The following CSMD1 variants were observed in gnomAD, a reference collection of about 807,000 sequenced individuals.
CSMD1 encodes the protein CUB and sushi domain-containing protein 1.
In CSMD1, 213 loss-of-function variants were observed where a neutral mutation model predicts 417.5. The ratio of observed to expected loss-of-function variants is 0.51; its 90% CI spans 0.46 to 0.57. The LOEUF (loss-of-function observed/expected upper bound fraction) is 0.57, where lower values mean the gene tolerates loss of function less well. Among genes scored for constraint, CSMD1 ranks in the 20% least tolerant of loss-of-function variants. The pLI, the probability that CSMD1 is intolerant of heterozygous loss-of-function variation, is 0.00. For synonymous variants in CSMD1, 2,862 were observed against 1,736.8 expected (o/e 1.65, Z -16.11); for missense variants, 6,923 against 4,529.7 (o/e 1.53, Z -15.17).
intron 18 of CSMD1, among the ~76,000 whole-genome samples, chr8:3,385,904 T>C (rs1166838186): frequency 6.6e-6 from 1 of 151,748 alleles, no homozygotes; most frequent in African/African-American, 2.4e-5. Flanking sequence ...GATTCACATA[T>C]GAGAGGAAAA....
chr8:2,967,041 G>A (rs1179117048), intron 57 of CSMD1, among the ~76,000 whole-genome samples: 1 of 152,186 alleles, frequency 6.6e-6, no homozygotes, highest in Non-Finnish European at 1.5e-5. Context: ...GTTATTCAGG[G>A]ACTGAATGTT....
chr8:3,303,331 T>A (rs1166012404), intron 25 of CSMD1, among the ~76,000 whole-genome samples: 1 of 152,154 alleles, frequency 6.6e-6, no homozygotes, highest in Non-Finnish European at 1.5e-5. Flanking sequence ...AGATCTCCAG[T>A]GCAATTTCAC....
intron 1 of CSMD1, among the ~76,000 whole-genome samples, chr8:4,802,061 G>A (rs1798317615): frequency 6.6e-6 from 1 of 152,178 alleles, no homozygotes; most frequent in African/African-American, 2.4e-5. Context: ...TAGCTATATA[G>A]CCTAGTTGAA....
intron 41 of CSMD1, among the ~76,000 whole-genome samples, chr8:3,123,685 A>G (rs990753328): frequency 6.6e-6 from 1 of 152,236 alleles, no homozygotes; most frequent in African/African-American, 2.4e-5. Flanking sequence ...ATAGAACCTC[A>G]TCTTCATTAG....
intron 25 of CSMD1, among the ~76,000 whole-genome samples, chr8:3,287,385 C>T (rs1441784729): frequency 6.6e-6 from 1 of 152,036 alleles, no homozygotes; most frequent in Non-Finnish European, 1.5e-5. Flanking sequence ...CTATAAATTA[C>T]CTTGGGCAGT....
At chr8:4,250,426 T>A (rs956185316) in intron 3 of CSMD1, among the ~76,000 whole-genome samples, 2 of 152,080 alleles carry the variant, frequency 1.3e-5, no homozygotes, top group African/African-American at 4.8e-5. Context: ...TAGCCACTGC[T>A]CCCTGGGGAA....
intron 48 of CSMD1, among the ~76,000 whole-genome samples, chr8:3,090,922 G>C (rs1266054966): frequency 6.6e-6 from 1 of 152,064 alleles, no homozygotes; most frequent in Non-Finnish European, 1.5e-5. Flanking sequence ...TGATCAATTT[G>C]TTACTAATTG....
chr8:4,368,927 T>G lies in CSMD1; in HGVS notation c.415+51026A>C, dbSNP rs919495923. Among the ~76,000 whole-genome samples the G allele has an allele frequency of 6.6e-5, 10 of 152,242 alleles. No homozygotes were observed. In the South Asian group the frequency reaches 1.7e-3, roughly 25 times the overall value. Reference sequence around the variant, plus strand: ...AACTTTTGGTTTTATTGATCTCTTATATGGATTTTAGCAGTTCAATTTCAT... The same window carrying G: ...AACTTTTGGTTTTATTGATCTCTTAGATGGATTTTAGCAGTTCAATTTCAT... On this transcript the variant is annotated intron_variant, in intron 3 of 69. Coordinates refer to ENST00000635120, the MANE Select transcript of CSMD1 (RefSeq NM_033225.6).
intron 3 of CSMD1, among the ~76,000 whole-genome samples, chr8:4,414,509 G>A (rs1390164615): frequency 6.6e-6 from 1 of 152,092 alleles, no homozygotes; most frequent in African/African-American, 2.4e-5. Flanking sequence ...ATATTTTTAA[G>A]AGGATCTGCT....
chr8:3,796,432 ATATATCTATC>A (rs1800148665), intron 5 of CSMD1, among the ~76,000 whole-genome samples: 1 of 116,692 alleles, frequency 8.6e-6, no homozygotes, highest in African/African-American at 2.9e-5. Context: ...GTATAGATAT[ATATATCTATC>A]GTGTATAGAT....
chr8:3,658,973 C>T (rs569520681), intron 7 of CSMD1, among the ~76,000 whole-genome samples: 43 of 152,204 alleles, frequency 2.8e-4, no homozygotes, highest in African/African-American at 9.6e-4. Flanking sequence ...TAGGAATGAC[C>T]TAATATTTGT....
intron 2 of CSMD1, among the ~76,000 whole-genome samples, chr8:4,555,755 C>G (rs916067095): frequency 1.2e-4 from 19 of 152,122 alleles, no homozygotes; most frequent in Non-Finnish European, 1.8e-4. Context: ...AGTTCCATTT[C>G]AGTTAACAAA....
chr8:4,230,977 C>T (rs1426622705), intron 3 of CSMD1, among the ~76,000 whole-genome samples: 1 of 152,046 alleles, frequency 6.6e-6, no homozygotes, highest in African/African-American at 2.4e-5. Context: ...TCATTTGCAA[C>T]ATCAGTACTA....
rs769717012 is a variant in CSMD1 at position 3,387,560 on chromosome 8, T to C, written c.2716A>G (p.Ser906Gly). Residue 906 changes from serine (S) to glycine (G), a missense_variant, in exon 18 of 70, where the codon AGT (serine) becomes GGT (glycine). Coordinates refer to ENST00000635120, the MANE Select transcript of CSMD1 (RefSeq NM_033225.6). ...TFSCDPGYTLSDDEPLVCERN... is the reference protein window; with the variant it reads ...TFSCDPGYTLGDDEPLVCERN... ...TCACAGACGAGGGGCTCGTCGTCACTTAGTGTGTACCCCGGGTCACAGCTG... is the reference window on the plus strand; with the variant it reads ...TCACAGACGAGGGGCTCGTCGTCACCTAGTGTGTACCCCGGGTCACAGCTG... The C allele has an allele frequency of 2.5e-6, 4 of 1,602,526 alleles. No homozygotes were observed. The South Asian group carries it at 4.5e-5, about 18-fold the overall frequency.
At chr8:4,636,610 T>A (rs1020460191) in intron 2 of CSMD1, among the ~76,000 whole-genome samples, 17 of 152,260 alleles carry the variant, frequency 1.1e-4, no homozygotes, top group African/African-American at 4.1e-4. Flanking sequence ...AACAATGGTG[T>A]ATTATAATTT....
intron 3 of CSMD1, among the ~76,000 whole-genome samples, chr8:4,213,315 G>A (rs912184709): frequency 1.3e-5 from 2 of 152,078 alleles, no homozygotes; most frequent in Admixed American, 1.3e-4. Context: ...ACACCTCTCT[G>A]CTCCAGACAT....
intron 3 of CSMD1, among the ~76,000 whole-genome samples, chr8:4,259,051 G>C (rs1803685081): frequency 6.6e-6 from 1 of 152,144 alleles, no homozygotes; most frequent in South Asian, 2.1e-4. Context: ...ATTGTGCAAA[G>C]ACCCTGCTTT....
chr8:4,918,050 T>G (rs1247523847), intron 1 of CSMD1, among the ~76,000 whole-genome samples: 1 of 152,104 alleles, frequency 6.6e-6, no homozygotes, highest in Non-Finnish European at 1.5e-5. Flanking sequence ...CTTTGTGATG[T>G]TTAAAGTCTT....
intron 26 of CSMD1, among the ~76,000 whole-genome samples, chr8:3,282,737 T>A (rs567675165): frequency 6.6e-6 from 1 of 152,098 alleles, no homozygotes; most frequent in Non-Finnish European, 1.5e-5. Flanking sequence ...GGTAAGAAAT[T>A]GTGCAGACTA....
Sources: gnomAD v4.1 joint callset for allele counts (sites outside exome capture counted in the v4.1 genomes callset) on GRCh38, gnomAD v4.1.1 for gene constraint, MANE v1.5 for transcripts, NCBI Gene and HGNC (gene_info 2026-07-23, HGNC 2026-07-21) for gene names.